Variants in DCBLD2 observed in about 807,000 individuals in gnomAD.
The protein encoded by DCBLD2 is discoidin, CUB and LCCL domain containing 2.
A neutral mutation model predicts 86.8 loss-of-function variants in DCBLD2; 54 were observed. The observed-to-expected ratio is 0.62, with a 90% CI of 0.50 to 0.78. DCBLD2 has a LOEUF of 0.78. Ranked by LOEUF, DCBLD2 falls within the 30% of genes least tolerant of loss-of-function variation. The pLI, the probability that DCBLD2 is intolerant of heterozygous loss-of-function variation, is 0.00. For synonymous variants in DCBLD2, 354 were observed against 341.3 expected (o/e 1.04, Z -0.41); for missense variants, 908 against 954.2 (o/e 0.95, Z 0.64).
intron 2 of DCBLD2, among the ~76,000 whole-genome samples, chr3:98,858,847 G>A (rs1364578781): frequency 6.6e-6 from 1 of 152,206 alleles, no homozygotes; most frequent in African/African-American, 2.4e-5. Context: ...TGGCCGAATA[G>A]GAACAGCTCC....
chr3:98,876,644 G>A (rs1272611175), intron 2 of DCBLD2, among the ~76,000 whole-genome samples: 2 of 152,066 alleles, frequency 1.3e-5, no homozygotes, highest in Admixed American at 1.3e-4. Context: ...ATTTAGCAAT[G>A]TCTAACAAAG....
chr3:98,832,377 C>CT (rs1942338891), intron 3 of DCBLD2, among the ~76,000 whole-genome samples: 1 of 152,104 alleles, frequency 6.6e-6, no homozygotes, highest in Admixed American at 6.5e-5. Flanking sequence ...TTGGGTCTTG[C>CT]TTTTTTATTC....
chr3:98,827,691 A>ACAAAGG (rs547660453), intron 3 of DCBLD2, among the ~76,000 whole-genome samples: 265 of 152,352 alleles, frequency 1.7e-3, no homozygotes, highest in Admixed American at 6.5e-3. Flanking sequence ...TTACAACTCT[A>ACAAAGG]CAAAGAAAAC....
chr3:98,799,126 A>G lies in DCBLD2; in HGVS notation c.*246T>C. On this transcript the variant is annotated 3_prime_UTR_variant, in exon 16 of 16. Coordinates refer to ENST00000326840, the MANE Select transcript of DCBLD2 (RefSeq NM_080927.4). ...ATTATAGGGAGCTTTTTCTGTATTAAAAATAGTGTTCTACAGTAGTATCAA... is the reference window on the plus strand; with the variant it reads ...ATTATAGGGAGCTTTTTCTGTATTAGAAATAGTGTTCTACAGTAGTATCAA... 2.6e-6 allele frequency: 1 copy of G among 383,246 alleles called. No homozygotes were observed. The highest frequency in any genetic ancestry group is 4.7e-6 in the Non-Finnish European group (1 of 213,038). 23.7% of individuals were successfully genotyped at this position (383,246 alleles called of 1,614,324 possible). A position where few individuals can be genotyped will look rare whatever the true frequency, so the allele number is the denominator to read the frequency against.
chr3:98,855,011 A>C (rs2107490446), intron 2 of DCBLD2, among the ~76,000 whole-genome samples: 1 of 151,782 alleles, frequency 6.6e-6, no homozygotes, highest in East Asian at 1.9e-4. Flanking sequence ...AAACTACATA[A>C]AATTAACGTT....
intron 2 of DCBLD2, among the ~76,000 whole-genome samples, chr3:98,870,735 GAA>G (rs1172879709): frequency 4.7e-4 from 28 of 60,208 alleles, no homozygotes; most frequent in African/African-American, 1.8e-3. Context: ...AGAAAAGAAA[GAA>G]AAAGAAAGAA....
At chr3:98,821,595 G>A (rs1006854105) in intron 6 of DCBLD2, among the ~76,000 whole-genome samples, 2 of 151,986 alleles carry the variant, frequency 1.3e-5, no homozygotes, top group African/African-American at 4.8e-5. Flanking sequence ...CTTTCAATCT[G>A]TAAAATAAAT....
intron 13 of DCBLD2, among the ~76,000 whole-genome samples, chr3:98,804,006 C>CT (rs957727292): frequency 8.0e-5 from 12 of 150,402 alleles, no homozygotes; most frequent in Admixed American, 2.7e-4. Context: ...CTAAAATTCT[C>CT]TTTTTTTTGT....
intron 1 of DCBLD2, among the ~76,000 whole-genome samples, chr3:98,900,497 C>G (rs1943828988): frequency 1.3e-5 from 2 of 151,974 alleles, no homozygotes; most frequent in Admixed American, 1.3e-4. Flanking sequence ...AGTTTTGTCA[C>G]TTTCTGGAAA....
rs774619235 is a variant in DCBLD2 at position 98,901,143 on chromosome 3, C to T, written c.184G>A (p.Glu62Lys). Residue 62 changes from glutamate (E) to lysine (K), a missense_variant, in exon 1 of 16, where the codon GAG becomes AAG. Glu to Lys is a moderately conservative substitution (Grantham distance 56). Around this residue, in one of 3 missense-constraint regions of DCBLD2, gnomAD observed 294 missense variants for 256.0 expected, o/e 1.15. Transcript: ENST00000326840. ...LLLLVLLLLL[E>K]DAGAQQGDGC... ...TCACCTTGCTGGGCTCCAGCGTCCT[C>T]GAGCAGCAGGAGCAGGACAAGTAAG... The T allele has an allele frequency of 3.2e-6, 5 of 1,539,340 alleles. No homozygotes were observed. The highest frequency in any genetic ancestry group is 4.4e-6 in the Non-Finnish European group (5 of 1,146,836).
chr3:98,892,857 T>C (rs1943686417), intron 1 of DCBLD2, among the ~76,000 whole-genome samples: 1 of 151,984 alleles, frequency 6.6e-6, no homozygotes, highest in African/African-American at 2.4e-5. Context: ...CAAAGGTATA[T>C]CAGGAAAGAA....
intron 8 of DCBLD2, 122 bp downstream of exon 8, chr3:98,819,075 GAAGAA>G: frequency 2.1e-6 from 2 of 931,616 alleles, no homozygotes; most frequent in South Asian, 1.8e-5. Context: ...TAACATCAGT[GAAGAA>G]AATATAAAAC....
rs144387442 is a variant in DCBLD2, at chr3:98,851,665, G to A, written c.434-2067C>T. Reference sequence around the variant, plus strand: ...AAAAGAACAAAGCTGGAGGCATCACGCTACCTGACTTCAAACTATACAAGG... The same window carrying A: ...AAAAGAACAAAGCTGGAGGCATCACACTACCTGACTTCAAACTATACAAGG... On this transcript the variant is annotated intron_variant, in intron 2 of 15. Coordinates refer to ENST00000326840, the MANE Select transcript of DCBLD2 (RefSeq NM_080927.4). Among the ~76,000 whole-genome samples, 405 of 152,256 alleles carry A rather than the reference G, an allele frequency of 2.7e-3. 9 individuals are homozygous for A. In the East Asian group the frequency reaches 0.05, roughly 19 times the overall value.
chr3:98,875,173 G>A (rs1475221976), intron 2 of DCBLD2, among the ~76,000 whole-genome samples: 1 of 152,048 alleles, frequency 6.6e-6, no homozygotes, highest in Non-Finnish European at 1.5e-5. Flanking sequence ...TCCCTAGAAA[G>A]TGAATGATAA....
At chr3:98,829,260 G>A (rs762902698) in intron 3 of DCBLD2, among the ~76,000 whole-genome samples, 2 of 152,116 alleles carry the variant, frequency 1.3e-5, no homozygotes, top group Non-Finnish European at 2.9e-5. Context: ...ACCACCAAGA[G>A]AGTGAACATA....
At chr3:98,885,303 A>G (rs914322211) in intron 1 of DCBLD2, among the ~76,000 whole-genome samples, 4 of 152,154 alleles carry the variant, frequency 2.6e-5, no homozygotes, top group African/African-American at 9.7e-5. Context: ...TGTATCTCAA[A>G]AAATATTTGA....
Position 98,901,541 on chromosome 3 carries a change from G to A in DCBLD2, c.-215C>T. ...GCTCCCCGCGCCGAGACCCCAGGCC[G>A]GAGCGCAGGGGAGGGGAGGGAAGGA... On this transcript the variant is annotated 5_prime_UTR_variant, in exon 1 of 16. Coordinates refer to ENST00000326840, the MANE Select transcript of DCBLD2 (RefSeq NM_080927.4). The A allele has an allele frequency of 2.6e-6, 1 of 381,802 alleles. No individual in the cohort carries two copies. The highest frequency in any genetic ancestry group is 4.5e-6 in the Non-Finnish European group (1 of 224,674). 23.7% of individuals were successfully genotyped at this position (381,802 alleles called of 1,614,324 possible).
intron 1 of DCBLD2, among the ~76,000 whole-genome samples, chr3:98,896,155 G>C (rs141032106): frequency 1.6e-3 from 251 of 152,332 alleles, no homozygotes; most frequent in Admixed American, 6.5e-3. Flanking sequence ...TTCAGCTGGT[G>C]AATGATGTTT....
intron 3 of DCBLD2, among the ~76,000 whole-genome samples, chr3:98,830,421 T>C (rs1004641260): frequency 6.6e-6 from 1 of 152,220 alleles, no homozygotes; most frequent in Non-Finnish European, 1.5e-5. Context: ...GGATATGATA[T>C]AAGGAAGGGG....
Sources: allele counts gnomAD v4.1 joint callset (sites outside exome capture counted in the v4.1 genomes callset), GRCh38; gene constraint gnomAD v4.1.1; regional missense constraint gnomAD v4.1.1; transcripts MANE v1.5; gene names NCBI Gene and HGNC (gene_info 2026-07-23, HGNC 2026-07-21).